The following USP46 variants were observed in gnomAD, a reference collection of about 807,000 sequenced individuals.
USP46 encodes the protein ubiquitin carboxyl-terminal hydrolase 46.
Under a neutral mutation model 44.4 loss-of-function variants are expected in USP46, and 12 were observed. That is an observed-to-expected ratio of 0.27 (90% CI 0.17 to 0.44). The LOEUF is 0.44. Ranked by LOEUF, USP46 falls within the 20% of genes least tolerant of loss-of-function variation. USP46 has a pLI of 1.00. For missense variants in USP46, 248 were observed against 444.8 expected, an observed-to-expected ratio of 0.56 and a Z score of 3.98; for synonymous variants, 155 against 161.5, an observed-to-expected ratio of 0.96 and a Z score of 0.31.
chr4:52,633,595 T>C (rs116577804), intron 1 of USP46, among the ~76,000 whole-genome samples: 112 of 152,258 alleles, frequency 7.4e-4, no homozygotes, highest in African/African-American at 2.6e-3. Flanking sequence ...AAAATTAGGA[T>C]ATATGGCTTA....
chr4:52,597,781 A>T (rs2109588991), intron 8 of USP46, 40 bp from the exon 9 acceptor site: 1 of 1,389,930 alleles, frequency 7.2e-7, no homozygotes, highest in Middle Eastern at 1.8e-4. Context: ...ATTACTTAAC[A>T]TGATTCCTGG....
rs777538954 is a variant in USP46 at position 52,601,841 on chromosome 4, C to T, written c.920+16G>A. 9.9e-6 allele frequency: 16 copies of T among 1,610,496 alleles called. No homozygotes were observed. In the South Asian group the frequency reaches 1.7e-4, roughly 17 times the overall value. ...TTACACTTACCCTGTATACCTGCTTCCAGTCTTGCCCTTACCTGCCACAGT... is the reference window on the plus strand; with the variant it reads ...TTACACTTACCCTGTATACCTGCTTTCAGTCTTGCCCTTACCTGCCACAGT... On this transcript the variant is annotated intron_variant, in intron 7 of 8. Coordinates refer to ENST00000441222, the MANE Select transcript of USP46 (RefSeq NM_022832.4).
intron 4 of USP46, among the ~76,000 whole-genome samples, chr4:52,623,930 A>T (rs796994815): frequency 3.5e-4 from 53 of 152,236 alleles, no homozygotes; most frequent in African/African-American, 1.1e-3. Context: ...AAAAAAAATT[A>T]AAAAAATAAA....
At chr4:52,606,529 G>A (rs1454422705) in intron 5 of USP46, among the ~76,000 whole-genome samples, 2 of 152,130 alleles carry the variant, frequency 1.3e-5, no homozygotes, top group Non-Finnish European at 2.9e-5. Context: ...CAGATCTTGT[G>A]AGACTCATTC....
Position 52,659,085 on chromosome 4 carries a change from G to A in USP46, c.36+30C>T. The A allele has an allele frequency of 6.5e-7, 1 of 1,550,208 alleles. No homozygotes were observed. The highest frequency in any genetic ancestry group is 8.7e-7 in the Non-Finnish European group (1 of 1,150,312). On this transcript the variant is annotated intron_variant, in intron 1 of 8. Coordinates refer to ENST00000441222, the MANE Select transcript of USP46 (RefSeq NM_022832.4). This position sits in a 1 kb window ranked among gnomAD's most constrained non-coding sequence, Gnocchi z 4.2. ...CTTTCTTTGCCTCGCCGCGAGTCGG[G>A]CGCGACCCCGAGGCGGCTCGGCCAC... is the stretch of plus-strand genomic sequence containing the variant.
intron 5 of USP46, among the ~76,000 whole-genome samples, chr4:52,610,172 T>C (rs377247831): frequency 6.6e-6 from 1 of 151,114 alleles, no homozygotes; most frequent in Non-Finnish European, 1.5e-5. Flanking sequence ...GATCCGCCCG[T>C]CTCGGCCTCC....
rs1292355862 is a variant in USP46 at position 52,597,609 on chromosome 4, C to T, written c.*31G>A. On this transcript the variant is annotated 3_prime_UTR_variant, in exon 9 of 9. Coordinates refer to ENST00000441222, the MANE Select transcript of USP46 (RefSeq NM_022832.4). ...GGGTGACAGTGCTGTGAACATTCTC[C>T]CCACGTGAATCAGTCCCGCAGGTCT... 2 of 1,470,960 alleles carry T rather than the reference C, an allele frequency of 1.4e-6. No individual in the cohort carries two copies. Among genetic ancestry groups the T allele is most frequent in the Non-Finnish European group, 1.9e-6 (2 of 1,073,388 alleles). The allele number at this position is 1,470,960 out of a possible 1,614,324, so 91.1% of individuals were successfully genotyped here.
chr4:52,602,481 G>T (rs1206340929), intron 6 of USP46, among the ~76,000 whole-genome samples: 1 of 152,176 alleles, frequency 6.6e-6, no homozygotes, highest in Non-Finnish European at 1.5e-5. Flanking sequence ...GGACTTACAG[G>T]TTCTGAGGAC....
chr4:52,599,273 T>G (rs1577655605), intron 7 of USP46, among the ~76,000 whole-genome samples: 1 of 148,718 alleles, frequency 6.7e-6, no homozygotes, highest in African/African-American at 2.5e-5. Flanking sequence ...GGGGTGGGGG[T>G]CAGGGCGTGG....
chr4:52,656,793 G>A (rs1049616434), intron 1 of USP46, among the ~76,000 whole-genome samples: 22 of 151,832 alleles, frequency 1.4e-4, no homozygotes, highest in Admixed American at 1.2e-3. Flanking sequence ...GTAATTTGGC[G>A]CTTCGGGAGG....
At chr4:52,627,831 G>GT (rs1453598713) in intron 3 of USP46, 119 bp downstream of exon 3, 2 of 1,145,678 alleles carry the variant, frequency 1.7e-6, no homozygotes, top group Non-Finnish European at 2.4e-6. Context: ...ACACCGAGTA[G>GT]TTAACCATGC....
intron 4 of USP46, 83 bp downstream of exon 4, chr4:52,625,935 A>G: frequency 2.3e-6 from 3 of 1,304,928 alleles, no homozygotes; most frequent in Non-Finnish European, 3.2e-6. Context: ...GCTAAATGCT[A>G]TAATACGACA....
intron 2 of USP46, chr4:52,629,791 A>G (rs1265617817): frequency 1.1e-5 from 5 of 453,240 alleles, no homozygotes; most frequent in Non-Finnish European, 2.2e-5. Flanking sequence ...TATCACCCAA[A>G]GGGTAGAAGC....
intron 7 of USP46, among the ~76,000 whole-genome samples, chr4:52,601,162 G>A (rs1346059943): frequency 1.3e-5 from 2 of 152,184 alleles, no homozygotes; most frequent in African/African-American, 4.8e-5. Context: ...TGAGGGCAGG[G>A]GGAAAGCTGT....
chr4:52,656,595 G>A, intron 1 of USP46: 7 of 1,283,876 alleles, frequency 5.5e-6, no homozygotes, highest in Non-Finnish European at 6.9e-6. Context: ...ATAACAATGA[G>A]AAAGATGATG....
In USP46 at chr4:52,594,687, G is replaced by C. The variant is rs1475155421; in HGVS notation, c.*2953C>G. 2 of 152,130 alleles carry C rather than the reference G, an allele frequency of 1.3e-5. No individual in the cohort carries two copies. Among genetic ancestry groups the C allele is most frequent in the East Asian group, 1.9e-4 (1 of 5,186 alleles). 9.4% of individuals were successfully genotyped at this position (152,130 alleles called of 1,614,324 possible). ...AGCCCTAAGCTCCAGTTAGAACATA[G>C]ATCATTATTAGGCATGCCCATGAAA... On this transcript the variant is annotated 3_prime_UTR_variant, in exon 9 of 9. Coordinates refer to ENST00000441222, the MANE Select transcript of USP46 (RefSeq NM_022832.4).
At chr4:52,608,656 C>T (rs571510967) in intron 5 of USP46, among the ~76,000 whole-genome samples, 5 of 152,330 alleles carry the variant, frequency 3.3e-5, no homozygotes, top group Admixed American at 3.3e-4. Flanking sequence ...ACCCCTCCAC[C>T]CCCCACTCTC....
chr4:52,629,012 C>T (rs1277093160), intron 2 of USP46, among the ~76,000 whole-genome samples: 1 of 152,114 alleles, frequency 6.6e-6, no homozygotes. Context: ...CTGAGACTAT[C>T]ACTTTAGAAT....
chr4:52,607,448 C>T (rs1716730705), intron 5 of USP46, among the ~76,000 whole-genome samples: 1 of 152,104 alleles, frequency 6.6e-6, no homozygotes, highest in Non-Finnish European at 1.5e-5. Flanking sequence ...GATAAATTAC[C>T]AAAGTACAGA....
Sources: gnomAD v4.1 joint callset for allele counts (sites outside exome capture counted in the v4.1 genomes callset) on GRCh38, gnomAD v4.1.1 for gene constraint, Gnocchi (gnomAD v3.1) non-coding constraint, MANE v1.5 for transcripts, NCBI Gene and HGNC (gene_info 2026-07-23, HGNC 2026-07-21) for gene names.